Variants in METTL21C observed in about 807,000 individuals in gnomAD.
METTL21C encodes methyltransferase 21C, AARS1 lysine.
In METTL21C, 21 loss-of-function variants were observed where a neutral mutation model predicts 25.9. The observed-to-expected ratio is 0.81, with a 90% CI of 0.58 to 1.17. METTL21C has a LOEUF of 1.17. METTL21C is among the 50% of genes most tolerant of loss of function. The probability of loss-of-function intolerance (pLI) is 0.00; values close to 1 mark genes in which losing one functional copy is unlikely to be tolerated. For missense variants in METTL21C, 312 were observed against 315.1 expected (o/e 0.99, Z 0.07); for synonymous variants, 125 against 124.7 (o/e 1.00, Z -0.01).
In METTL21C at chr13:102,686,397, A is replaced by G; in HGVS notation, c.429T>C (p.Pro143=). Residue 143 remains proline, a synonymous_variant, in exon 4 of 4, where the codon CCT becomes CCC. Coordinates refer to ENST00000267273, the MANE Select transcript of METTL21C (RefSeq NM_001010977.3). ...LGAQVTATDL[P]DVLGNLQYNL... is the part of the protein sequence containing the mutation. ...TGTATTGAAGGTTTCCCAGGACATC[A>G]GGCAAATCTGTTGCTGTGACTTGAG... 6.2e-7 allele frequency: 1 copy of G among 1,613,178 alleles called. No homozygotes were observed. Among genetic ancestry groups the G allele is most frequent in the African/African-American group, 1.3e-5 (1 of 74,998 alleles).
At position 102,691,427 on chromosome 13, in the gene METTL21C, G is replaced by A. The variant is rs557268107; in HGVS notation, c.131-463C>T. ...TGCAGTGGTGTAATCTCAGCTCACC[G>A]CAACCTCTGCTTCCCGGGTTCAAGT... On this transcript the variant is annotated intron_variant, in intron 1 of 3. Transcript: ENST00000267273. Among the ~76,000 whole-genome samples, 18 of 151,130 alleles carry A rather than the reference G, an allele frequency of 1.2e-4. No individual in the cohort carries two copies. The South Asian group carries it at 2.1e-3, about 18-fold the overall frequency.
upstream of METTL21C, among the ~76,000 whole-genome samples, chr13:102,696,906 A>C (rs1002111831): frequency 4.6e-5 from 7 of 152,254 alleles, no homozygotes; most frequent in Admixed American, 4.6e-4. Context: ...AGGTTCAGGA[A>C]GGGATTGACG....
At chr13:102,687,387 C>T (rs1308561175) in intron 2 of METTL21C, among the ~76,000 whole-genome samples, 2 of 152,214 alleles carry the variant, frequency 1.3e-5, no homozygotes, top group African/African-American at 4.8e-5. Context: ...CTGGTTTAAT[C>T]ATGTTGGTCT....
chr13:102,699,861 G>A (rs755966914), upstream of METTL21C, among the ~76,000 whole-genome samples: 22 of 152,132 alleles, frequency 1.4e-4, no homozygotes, highest in African/African-American at 4.3e-4. Context: ...GAGAGCAGCC[G>A]CTGTGACTGC....
At chr13:102,700,499 T>C in the METTL21C span, among the ~76,000 whole-genome samples, 1 of 152,226 alleles carries the variant, frequency 6.6e-6, no homozygotes, top group East Asian at 1.9e-4. Context: ...TTTCATGTTA[T>C]CAAAATAGCC....
intron 2 of METTL21C, among the ~76,000 whole-genome samples, chr13:102,687,831 A>G (rs1372742310): frequency 6.6e-6 from 1 of 152,162 alleles, no homozygotes; most frequent in Non-Finnish European, 1.5e-5. Flanking sequence ...TTAGTTTTTT[A>G]TACAGGAAAT....
chr13:102,689,517 G>C (rs1885772661), intron 2 of METTL21C, among the ~76,000 whole-genome samples: 1 of 152,214 alleles, frequency 6.6e-6, no homozygotes, highest in Admixed American at 6.5e-5. Context: ...CCACTAACCA[G>C]GAATACTCAA....
chr13:102,692,965 A>G (rs1595245716), intron 1 of METTL21C, among the ~76,000 whole-genome samples: 1 of 152,166 alleles, frequency 6.6e-6, no homozygotes, highest in Non-Finnish European at 1.5e-5. Context: ...AGGCAGGAGG[A>G]AGGCCGAAAA....
chr13:102,694,928 A>ACACACG lies in METTL21C; in HGVS notation c.-431_-430insCGTGTG, dbSNP rs1885921496. On this transcript the variant is annotated 5_prime_UTR_variant, in exon 1 of 4. Coordinates refer to ENST00000267273, the MANE Select transcript of METTL21C (RefSeq NM_001010977.3). ...CACACACACACACACACACACACACACGCACAGTCCTAGCAACATTCAATG... is the reference window on the plus strand; with the variant it reads ...CACACACACACACACACACACACACACACACGCGCACAGTCCTAGCAACATTCAATG... 6.8e-6 allele frequency among the ~76,000 whole-genome samples: 1 copy of ACACACG among 146,308 alleles called. No homozygotes were observed. The highest frequency in any genetic ancestry group is 2.5e-5 in the African/African-American group (1 of 40,178).
chr13:102,695,401 G>A (rs1885931784), upstream of METTL21C, among the ~76,000 whole-genome samples: 1 of 152,120 alleles, frequency 6.6e-6, no homozygotes, highest in Non-Finnish European at 1.5e-5. Context: ...AAGGGAAGGA[G>A]AAAAATCATG....
At chr13:102,689,858 T>C (rs983499012) in intron 2 of METTL21C, among the ~76,000 whole-genome samples, 1 of 152,236 alleles carries the variant, frequency 6.6e-6, no homozygotes, top group African/African-American at 2.4e-5. Flanking sequence ...TCTCACAATC[T>C]GAAATTAATT....
intron 1 of METTL21C, among the ~76,000 whole-genome samples, chr13:102,693,634 A>G (rs1269698514): frequency 6.6e-6 from 1 of 152,260 alleles, no homozygotes; most frequent in African/African-American, 2.4e-5. Flanking sequence ...GGAAACATAG[A>G]CATACACGTA....
upstream of METTL21C, among the ~76,000 whole-genome samples, chr13:102,699,367 G>A (rs997051115): frequency 1.3e-5 from 2 of 152,092 alleles, no homozygotes; most frequent in African/African-American, 4.8e-5. Context: ...TCCATAACAG[G>A]CACATGATCC....
Position 102,694,409 on chromosome 13 carries a change from C to T in METTL21C, c.90G>A (p.Lys30=), listed in dbSNP as rs749898840. 1.3e-6 allele frequency: 2 copies of T among 1,486,524 alleles called. No individual in the cohort carries two copies. Among genetic ancestry groups the T allele is most frequent in the African/African-American group, 2.7e-5 (1 of 37,696 alleles). 92.1% of individuals were successfully genotyped at this position (1,486,524 alleles called of 1,614,324 possible). A position where few individuals can be genotyped will look rare whatever the true frequency, so the allele number is the denominator to read the frequency against. ...CGGTGCTGTCTTTCTGCGGAGCCCC[C>T]TTCTTCTCAGCCTCTAACCAGCCAC... The part of the protein sequence containing the change: ...SPGGWLEAEK[K]GAPQKDSTGG... Residue 30 remains lysine, a synonymous_variant, in exon 1 of 4, where the codon AAG becomes AAA. Transcript: ENST00000267273.
chr13:102,691,092 CA>C, intron 1 of METTL21C, 128 bp from the exon 2 acceptor site: 2 of 1,052,920 alleles, frequency 1.9e-6, no homozygotes. Flanking sequence ...ATGATGCTAT[CA>C]AGGAGAACGG....
intron 1 of METTL21C, 152 bp downstream of exon 1, chr13:102,694,217 A>G (rs1007079353): frequency 1.1e-5 from 8 of 753,108 alleles, no homozygotes; most frequent in Non-Finnish European, 1.7e-5. Flanking sequence ...TTATGTTTAT[A>G]CTTGCAAAAC....
chr13:102,686,552 G>C (rs1302564028), intron 3 of METTL21C, 127 bp from the exon 4 acceptor site: 1 of 1,120,894 alleles, frequency 8.9e-7, no homozygotes, highest in African/African-American at 1.6e-5. Context: ...GGCTGGACAT[G>C]TTTGACCTAA....
intron 1 of METTL21C, among the ~76,000 whole-genome samples, chr13:102,692,920 C>T (rs1048117797): frequency 3.9e-5 from 6 of 152,170 alleles, no homozygotes; most frequent in African/African-American, 1.2e-4. Context: ...GCTCCCAACA[C>T]AGGGCTGAGA....
chr13:102,699,884 T>C (rs571394128), upstream of METTL21C, among the ~76,000 whole-genome samples: 6 of 152,254 alleles, frequency 3.9e-5, no homozygotes, highest in Admixed American at 3.9e-4. Flanking sequence ...GCTGCTTCTA[T>C]ATGGGATGCA....
Sources: gnomAD v4.1 joint callset for allele counts (sites outside exome capture counted in the v4.1 genomes callset) on GRCh38, gnomAD v4.1.1 for gene constraint, MANE v1.5 for transcripts, NCBI Gene and HGNC (gene_info 2026-07-23, HGNC 2026-07-21) for gene names.